STX4: variants seen among roughly 807,000 people sequenced by gnomAD.
STX4 encodes syntaxin-4.
In STX4, 24 loss-of-function variants were observed where a neutral mutation model predicts 41.8. That is an observed-to-expected ratio of 0.57 (90% CI 0.42 to 0.81). STX4 has a LOEUF of 0.81. Among genes scored for constraint, STX4 ranks in the 30% least tolerant of loss-of-function variants. The probability of loss-of-function intolerance (pLI) is 0.00; values close to 1 mark genes in which losing one functional copy is unlikely to be tolerated. For missense variants in STX4, 316 were observed against 389.9 expected (o/e 0.81, Z 1.60); for synonymous variants, 158 against 156.4 (o/e 1.01, Z -0.08).
At chr16:31,033,416 CGGT>C, upstream of STX4, 1 of 1,416,424 alleles carries the variant, frequency 7.1e-7, no homozygotes, top group East Asian at 2.5e-5. This position sits in a 1 kb window ranked among gnomAD's most constrained non-coding sequence, Gnocchi z 5.5. Context: ...GCAACGGTTC[CGGT>C]GACGGTAGCA....
Position 31,034,068 on chromosome 16 carries a change from C to T in STX4, c.86C>T (p.Pro29Leu). 6.2e-7 allele frequency: 1 copy of T among 1,610,250 alleles called. No homozygotes were observed. ...DKERVALVVH[P>L]GTARLGSPDE... ...GAGCGGGTCGCGCTGGTGGTGCACC[C>T]GGGCACGGCACGGCTGGGGAGCCCG... Residue 29 changes from proline to leucine, a missense_variant, in exon 2 of 11, where the codon CCG (proline) becomes CTG (leucine). Physicochemically the swap from Pro to Leu is moderately conservative, Grantham distance 98. Transcript: ENST00000313843.
chr16:31,033,369 C>A, upstream of STX4: 1 of 951,772 alleles, frequency 1.1e-6, no homozygotes, highest in Non-Finnish European at 1.7e-6. This position sits in a 1 kb window ranked among gnomAD's most constrained non-coding sequence, Gnocchi z 5.5. Context: ...ATGACGTATT[C>A]CTACCCCTTT....
At position 31,034,275 on chromosome 16, in the gene STX4, A is replaced by G. The variant is rs1567388221; in HGVS notation, c.182A>G (p.Glu61Gly). 6.2e-7 allele frequency: 1 copy of G among 1,614,092 alleles called. No individual in the cohort carries two copies. The highest frequency in any genetic ancestry group is 8.5e-7 in the Non-Finnish European group (1 of 1,180,024). ...GTCAAACTGGGGAATAAAGTCCAGG[A>G]GTTGGAGAAACAGCAGGTCACCATC... The part of the protein sequence containing the change: ...TIVKLGNKVQ[E>G]LEKQQVTILA... Residue 61 changes from glutamate (E) to glycine (G), a missense_variant, in exon 3 of 11, where the codon GAG (glutamate) becomes GGG (glycine). By Grantham distance (98) the Glu-to-Gly change is moderately conservative (BLOSUM62 -2). Transcript: ENST00000313843.
chr16:31,040,151 A>G lies in STX4; in HGVS notation c.*255A>G. ...ACGGTTTTGTAAAAAATTAAAAAAC[A>G]AAAAAAGAGCATAGAAAGCCCTGTG... On this transcript the variant is annotated 3_prime_UTR_variant, in exon 11 of 11. Coordinates refer to ENST00000313843, the MANE Select transcript of STX4 (RefSeq NM_004604.5). The G allele has an allele frequency of 3.7e-6, 1 of 273,610 alleles. No individual in the cohort carries two copies. The highest frequency in any genetic ancestry group is 7.0e-6 in the Non-Finnish European group (1 of 142,926). 16.9% of individuals were successfully genotyped at this position (273,610 alleles called of 1,614,324 possible).
At chr16:31,035,106 T>G (rs2056790182) in intron 5 of STX4, 66 bp downstream of exon 5, 38 of 1,381,914 alleles carry the variant, frequency 2.7e-5, no homozygotes, top group Non-Finnish European at 3.7e-5. Context: ...AGATGACAGG[T>G]GTATGAAGGA....
chr16:31,040,089 TG>T lies in STX4; in HGVS notation c.*198del. ...GCCTCCTCCTTCAGGCCTCAATGCCTGGGGGAGGCCTGCACTGTCCTGATTG... is the reference window on the plus strand; with the variant it reads ...GCCTCCTCCTTCAGGCCTCAATGCCTGGGGAGGCCTGCACTGTCCTGATTG... On this transcript the variant is annotated 3_prime_UTR_variant, in exon 11 of 11. Transcript: ENST00000313843. 1 of 526,616 alleles carries T rather than the reference TG, an allele frequency of 1.9e-6. No homozygotes were observed. The highest frequency in any genetic ancestry group is 2.1e-5 in the South Asian group (1 of 47,028). 32.6% of individuals were successfully genotyped at this position (526,616 alleles called of 1,614,324 possible). A position where few individuals can be genotyped will look rare whatever the true frequency, so the allele number is the denominator to read the frequency against.
intron 5 of STX4, among the ~76,000 whole-genome samples, chr16:31,036,854 G>T (rs2056802591): frequency 6.6e-6 from 1 of 151,958 alleles, no homozygotes; most frequent in East Asian, 1.9e-4. Context: ...GTCTAGGGAG[G>T]GGTAAGGAGA....
In STX4 at chr16:31,037,064, C is replaced by CCCCT. The variant is rs1491425907; in HGVS notation, c.379-862_379-861insCCCT. The stretch of plus-strand genomic sequence containing the variant: ...GGGCAATATAGTGAGACCCCCCCCC[C>CCCCT]TTTTTTTTTTTTCCTTTGAGACAGG... On this transcript the variant is annotated intron_variant, in intron 5 of 10. Coordinates refer to ENST00000313843, the MANE Select transcript of STX4 (RefSeq NM_004604.5). Among the ~76,000 whole-genome samples, 402 of 122,240 alleles carry CCCCT rather than the reference C, an allele frequency of 3.3e-3. 9 individuals carry two copies. The highest frequency in any genetic ancestry group is 5.4e-3 in the Non-Finnish European group (315 of 57,822). The allele number at this position is 122,240 out of a possible 152,430, so 80.2% of individuals were successfully genotyped here. A position where few individuals can be genotyped will look rare whatever the true frequency, so the allele number is the denominator to read the frequency against.
intron 5 of STX4, 121 bp from the exon 6 acceptor site, chr16:31,037,805 T>C (rs1596737856): frequency 2.1e-6 from 2 of 932,520 alleles, no homozygotes; most frequent in East Asian, 2.5e-5. Flanking sequence ...CACAAGGTGG[T>C]TAAGGTGGCA....
At position 31,033,583 on chromosome 16, in the gene STX4, G is replaced by C. The variant is rs1195713916; in HGVS notation, c.-223G>C. The C allele has an allele frequency of 6.5e-7, 1 of 1,529,136 alleles. No individual in the cohort carries two copies. Among genetic ancestry groups the C allele is most frequent in the Non-Finnish European group, 8.8e-7 (1 of 1,136,262 alleles). 94.7% of individuals were successfully genotyped at this position (1,529,136 alleles called of 1,614,324 possible). On this transcript the variant is annotated 5_prime_UTR_variant, in exon 1 of 11. Transcript: ENST00000313843. This position sits in a 1 kb window ranked among gnomAD's most constrained non-coding sequence, Gnocchi z 5.5. ...GCTGAGGCTGCGGGAGCTGGAGCGG[G>C]GAAGAAAAGGGAATTCCAACCTGTG... is the stretch of plus-strand genomic sequence containing the variant.
At position 31,039,399 on chromosome 16, in the gene STX4, G is replaced by A; in HGVS notation, c.703-142G>A. 1.3e-6 allele frequency: 1 copy of A among 749,626 alleles called. No individual in the cohort carries two copies. The highest frequency in any genetic ancestry group is 2.7e-5 in the East Asian group (1 of 37,202). 46.4% of individuals were successfully genotyped at this position (749,626 alleles called of 1,614,324 possible). ...GGGGCCTGGAAGCCATCCCCAAGGA[G>A]TCTGAACTTTTGTCAGATCAAGTCT... is the stretch of plus-strand genomic sequence containing the variant. On this transcript the variant is annotated intron_variant, in intron 8 of 10. Coordinates refer to ENST00000313843, the MANE Select transcript of STX4 (RefSeq NM_004604.5). This position sits in a 1 kb window ranked among gnomAD's most constrained non-coding sequence, Gnocchi z 4.1.
rs1413409598 is a variant in STX4, at chr16:31,039,622, G to A, written c.784G>A (p.Ala262Thr). 1 of 1,614,188 alleles carries A rather than the reference G, an allele frequency of 6.2e-7. No homozygotes were observed. The highest frequency in any genetic ancestry group is 1.1e-5 in the South Asian group (1 of 91,086). Reference protein sequence around the residue: ...VERGQEHVKTALENQKKARKK... With the variant: ...VERGQEHVKTTLENQKKARKK... The stretch of plus-strand genomic sequence containing the variant: ...ACGTGGGCAGGAGCACGTCAAGACG[G>A]CCCTGGAGAACCAGAAGAAGGCGAG... The change falls in exon 9 of 11, where the codon GCC (alanine) becomes ACC (threonine). Residue 262 changes from alanine (A) to threonine (T), a missense_variant. Transcript: ENST00000313843. This position sits in a 1 kb window ranked among gnomAD's most constrained non-coding sequence, Gnocchi z 4.1.
At chr16:31,038,675 G>T in intron 8 of STX4, 28 bp downstream of exon 8, 1 of 1,611,796 alleles carries the variant, frequency 6.2e-7, no homozygotes. Flanking sequence ...CCCCAGACGT[G>T]AGACCAGGCT....
chr16:31,038,077 C>A, intron 6 of STX4, 37 bp from the exon 7 acceptor site: 1 of 1,614,118 alleles, frequency 6.2e-7, no homozygotes, highest in Non-Finnish European at 8.5e-7. Flanking sequence ...GGCAGGTAAT[C>A]CCAACCCAAC....
At chr16:31,033,535 C>T (rs2056771343), upstream of STX4, 4 of 1,549,352 alleles carry the variant, frequency 2.6e-6, no homozygotes, top group Admixed American at 2.0e-5. This position sits in a 1 kb window ranked among gnomAD's most constrained non-coding sequence, Gnocchi z 5.5. Flanking sequence ...GCGCATGCCC[C>T]GAATTTATCA....
Position 31,039,042 on chromosome 16 carries a change from A to G in STX4, c.702+395A>G, listed in dbSNP as rs1020531714. 4.2e-6 allele frequency: 1 copy of G among 237,544 alleles called. No individual in the cohort carries two copies. The highest frequency in any genetic ancestry group is 2.2e-5 in the African/African-American group (1 of 44,650). 14.7% of individuals were successfully genotyped at this position (237,544 alleles called of 1,614,324 possible). On this transcript the variant is annotated intron_variant, in intron 8 of 10. Transcript: ENST00000313843. The surrounding 1 kb of genome is among the most constrained non-coding windows in gnomAD (Gnocchi z 4.1). ...TTCCCCTGGCCCTGGTTGTGAGTTGAGTTGAGCTTCCAGCCCTGTCCTGGA... is the reference window on the plus strand; with the variant it reads ...TTCCCCTGGCCCTGGTTGTGAGTTGGGTTGAGCTTCCAGCCCTGTCCTGGA...
rs890698102 is a variant in STX4, at chr16:31,037,859, G to C, written c.379-67G>C. 2.0e-6 allele frequency: 3 copies of C among 1,529,714 alleles called. No individual in the cohort carries two copies. In the African/African-American group the frequency reaches 4.1e-5, roughly 21 times the overall value. The allele number at this position is 1,529,714 out of a possible 1,614,324, so 94.8% of individuals were successfully genotyped here. On this transcript the variant is annotated intron_variant, in intron 5 of 10. Coordinates refer to ENST00000313843, the MANE Select transcript of STX4 (RefSeq NM_004604.5). ...ATGCTATTTGCTCACTGTACTATGGGGTTGCCGAGGCACCGACCGGGCAGG... is the reference window on the plus strand; with the variant it reads ...ATGCTATTTGCTCACTGTACTATGGCGTTGCCGAGGCACCGACCGGGCAGG...
chr16:31,033,426 A>T, upstream of STX4: 1 of 1,468,940 alleles, frequency 6.8e-7, no homozygotes. The surrounding 1 kb of genome is among the most constrained non-coding windows in gnomAD (Gnocchi z 5.5). Flanking sequence ...CGGTGACGGT[A>T]GCAAGTTCTC....
At chr16:31,033,440 T>C (rs2056769919), upstream of STX4, 5 of 1,526,076 alleles carry the variant, frequency 3.3e-6, no homozygotes, top group Admixed American at 2.0e-5. The surrounding 1 kb of genome is among the most constrained non-coding windows in gnomAD (Gnocchi z 5.5). Flanking sequence ...AGTTCTCGCG[T>C]CCAGGCATCT....
Sources: allele counts gnomAD v4.1 joint callset (sites outside exome capture counted in the v4.1 genomes callset), GRCh38; gene constraint gnomAD v4.1.1; non-coding constraint Gnocchi (gnomAD v3.1); transcripts MANE v1.5; gene names NCBI Gene and HGNC (gene_info 2026-07-23, HGNC 2026-07-21).